Variants in EXT1 observed in about 807,000 individuals in gnomAD.
The protein encoded by EXT1 is exostosin glycosyltransferase 1.
EXT1 carries 20 observed loss-of-function variants against 82.5 expected under a neutral mutation model. The ratio of observed to expected loss-of-function variants is 0.24; its 90% CI spans 0.17 to 0.35. The LOEUF is 0.35. Among genes scored for constraint, EXT1 ranks in the 10% least tolerant of loss-of-function variants. EXT1 has a pLI of 1.00. For missense variants in EXT1, 757 were observed against 936.5 expected (o/e 0.81, Z 2.50); for synonymous variants, 348 against 350.8 (o/e 0.99, Z 0.09).
chr8:117,804,862 G>A lies in EXT1; in HGVS notation c.1915C>T (p.Pro639Ser), dbSNP rs1823214844. The change falls in exon 10 of 11, where the codon CCA becomes TCA. Residue 639 changes from proline (P) to serine (S), a missense_variant. This residue lies in a region of EXT1 where 128 missense variants were observed against 223.2 expected (regional missense o/e 0.57). Coordinates refer to ENST00000378204, the MANE Select transcript of EXT1 (RefSeq NM_000127.3). Reference sequence around the variant, plus strand: ...TCCACCATGTTCTTCAGGCTGGCTGGCAGGTAATGGGAGTATAGGTAGTGA... The same window carrying A: ...TCCACCATGTTCTTCAGGCTGGCTGACAGGTAATGGGAGTATAGGTAGTGA... Reference protein sequence around the residue: ...YYHYLYSHYLPASLKNMVDQL... With the variant: ...YYHYLYSHYLSASLKNMVDQL... 6.2e-7 allele frequency: 1 copy of A among 1,613,978 alleles called. No homozygotes were observed. Among genetic ancestry groups the A allele is most frequent in the African/African-American group, 1.3e-5 (1 of 74,910 alleles).
chr8:118,106,745 T>C (rs1250370293), intron 1 of EXT1, among the ~76,000 whole-genome samples: 1 of 152,192 alleles, frequency 6.6e-6, no homozygotes, highest in East Asian at 1.9e-4. Flanking sequence ...AATAATTCTA[T>C]AAGGATGCAT....
chr8:117,826,154 G>A (rs767087289), intron 4 of EXT1, among the ~76,000 whole-genome samples: 4 of 152,202 alleles, frequency 2.6e-5, no homozygotes, highest in Non-Finnish European at 5.9e-5. Context: ...CAGCATTAGA[G>A]AATTTCAATC....
chr8:118,047,229 G>A (rs894754849), intron 1 of EXT1, among the ~76,000 whole-genome samples: 11 of 152,082 alleles, frequency 7.2e-5, no homozygotes, highest in African/African-American at 2.4e-4. Context: ...ACCTGCATTG[G>A]AATTCTGACT....
intron 1 of EXT1, among the ~76,000 whole-genome samples, chr8:118,079,864 AAG>A (rs1340300053): frequency 9.9e-5 from 15 of 152,240 alleles, no homozygotes; most frequent in African/African-American, 3.6e-4. Flanking sequence ...ACTTGGAAAT[AAG>A]AAATAACTTC....
At chr8:117,908,841 C>T (rs184565812) in intron 1 of EXT1, among the ~76,000 whole-genome samples, 26 of 152,024 alleles carry the variant, frequency 1.7e-4, no homozygotes, top group African/African-American at 5.8e-4. Flanking sequence ...AAATTCCAGG[C>T]GGCTGGGTGC....
At chr8:117,830,202 A>G (rs2129771820) in intron 4 of EXT1, 28 bp downstream of exon 4, 1 of 1,613,648 alleles carries the variant, frequency 6.2e-7, no homozygotes, top group East Asian at 2.2e-5. Context: ...CCATTATTCA[A>G]GCCCAAGAGC....
At chr8:117,898,208 C>G (rs1813378782) in intron 1 of EXT1, among the ~76,000 whole-genome samples, 1 of 152,164 alleles carries the variant, frequency 6.6e-6, no homozygotes, top group Non-Finnish European at 1.5e-5. Context: ...TTCAAATTAG[C>G]CATATACATT....
chr8:118,066,932 G>A (rs1240360292), intron 1 of EXT1, among the ~76,000 whole-genome samples: 1 of 152,164 alleles, frequency 6.6e-6, no homozygotes, highest in African/African-American at 2.4e-5. Flanking sequence ...TAATATTATA[G>A]ATGTTTTGCT....
chr8:117,878,270 C>T (rs1050060437), intron 1 of EXT1, among the ~76,000 whole-genome samples: 5 of 152,108 alleles, frequency 3.3e-5, no homozygotes, highest in Admixed American at 1.3e-4. Flanking sequence ...TGTGAGACTC[C>T]GTCTCTAAAT....
chr8:117,970,698 T>A (rs1814921552), intron 1 of EXT1, among the ~76,000 whole-genome samples: 1 of 152,200 alleles, frequency 6.6e-6, no homozygotes, highest in Non-Finnish European at 1.5e-5. Flanking sequence ...TTGAAATTCT[T>A]GGTGATCTAA....
intron 1 of EXT1, among the ~76,000 whole-genome samples, chr8:117,918,836 A>G (rs565259057): frequency 6.6e-6 from 1 of 152,304 alleles, no homozygotes; most frequent in South Asian, 2.1e-4. Context: ...TTAAGGCACT[A>G]TTTTGCAGAT....
chr8:117,835,404 T>C (rs1436575841), intron 3 of EXT1, 40 bp downstream of exon 3: 2 of 1,456,634 alleles, frequency 1.4e-6, no homozygotes, highest in African/African-American at 2.8e-5. Context: ...GGGGCAGCAA[T>C]AATCTGCTGA....
At chr8:117,809,947 A>G (rs1165490854) in intron 8 of EXT1, among the ~76,000 whole-genome samples, 3 of 152,172 alleles carry the variant, frequency 2.0e-5, no homozygotes, top group Non-Finnish European at 2.9e-5. Context: ...ACAGAACCCA[A>G]TGGGGTGTTC....
chr8:117,833,076 A>G (rs1173064958), intron 3 of EXT1, among the ~76,000 whole-genome samples: 5 of 152,236 alleles, frequency 3.3e-5, no homozygotes, highest in Non-Finnish European at 7.3e-5. Context: ...AAATTGTAAC[A>G]TAACAAAAAA....
In EXT1 at chr8:118,111,215, T is replaced by G; in HGVS notation, c.-169A>C. 1.1e-6 allele frequency: 1 copy of G among 938,732 alleles called. No homozygotes were observed. Among genetic ancestry groups the G allele is most frequent in the Non-Finnish European group, 1.6e-6 (1 of 613,378 alleles). The allele number at this position is 938,732 out of a possible 1,614,324, so 58.2% of individuals were successfully genotyped here. On this transcript the variant is annotated 5_prime_UTR_variant, in exon 1 of 11. It removes an upstream start codon present in the reference 5' UTR. Transcript: ENST00000378204. Reference sequence around the variant, plus strand: ...CCAAGCCGTGGACTGATCCAGCGCATGTGGGCGATTTCTTTAACTTTCTCC... The same window carrying G: ...CCAAGCCGTGGACTGATCCAGCGCAGGTGGGCGATTTCTTTAACTTTCTCC...
intron 1 of EXT1, among the ~76,000 whole-genome samples, chr8:117,920,177 T>C (rs1310281522): frequency 6.6e-6 from 1 of 152,174 alleles, no homozygotes; most frequent in Non-Finnish European, 1.5e-5. Context: ...CGATCTCGGC[T>C]CACTGCAACC....
intron 1 of EXT1, among the ~76,000 whole-genome samples, chr8:117,981,026 T>C (rs1252328066): frequency 6.6e-6 from 1 of 152,212 alleles, no homozygotes; most frequent in Admixed American, 6.5e-5. Flanking sequence ...GGCCATTTTC[T>C]TGAATTTATT....
chr8:118,065,059 G>A (rs1353094165), intron 1 of EXT1, among the ~76,000 whole-genome samples: 2 of 151,792 alleles, frequency 1.3e-5, no homozygotes, highest in East Asian at 3.9e-4. Flanking sequence ...CACTATGTTG[G>A]CCAGGCTAGT....
intron 1 of EXT1, among the ~76,000 whole-genome samples, chr8:118,020,487 G>A (rs972692241): frequency 2.0e-5 from 3 of 152,168 alleles, no homozygotes; most frequent in African/African-American, 7.2e-5. Flanking sequence ...ATAAATCAAT[G>A]TTTAGTGCAT....
Sources: gnomAD v4.1 joint callset for allele counts (sites outside exome capture counted in the v4.1 genomes callset) on GRCh38, gnomAD v4.1.1 for gene constraint, gnomAD v4.1.1 regional missense constraint, MANE v1.5 for transcripts, NCBI Gene and HGNC (gene_info 2026-07-23, HGNC 2026-07-21) for gene names.